SYN2: variants seen among roughly 807,000 people sequenced by gnomAD.
SYN2 encodes the protein synapsin-2.
In SYN2, 19 loss-of-function variants were observed where a neutral mutation model predicts 50.9. The observed-to-expected ratio is 0.37, with a 90% CI of 0.26 to 0.55. The LOEUF (loss-of-function observed/expected upper bound fraction) is 0.55, where lower values mean the gene tolerates loss of function less well. SYN2 is among the 20% of genes least tolerant of loss of function. SYN2 has a pLI of 0.81. For synonymous variants in SYN2, 255 were observed against 224.9 expected, an observed-to-expected ratio of 1.13 and a Z score of -1.20; for missense variants, 587 against 576.4, an observed-to-expected ratio of 1.02 and a Z score of -0.19.
intron 1 of SYN2, among the ~76,000 whole-genome samples, chr3:12,008,601 A>T (rs544733392): frequency 1.6e-4 from 24 of 152,330 alleles, no homozygotes; most frequent in African/African-American, 5.3e-4. Flanking sequence ...GCTGAAGGAT[A>T]TGCCATTAGT....
chr3:12,015,047 C>T (rs776198578), intron 1 of SYN2, among the ~76,000 whole-genome samples: 117 of 152,194 alleles, frequency 7.7e-4, no homozygotes, highest in Non-Finnish European at 1.3e-3. Flanking sequence ...TGATTTGCCA[C>T]ATACTTTGAT....
chr3:12,149,340 G>A (rs1181841631), intron 4 of SYN2, among the ~76,000 whole-genome samples: 1 of 152,260 alleles, frequency 6.6e-6, no homozygotes, highest in Admixed American at 6.5e-5. Flanking sequence ...CAGAGCAGAA[G>A]TCCAGCCAGG....
chr3:12,043,778 A>G (rs1285671285), intron 1 of SYN2, among the ~76,000 whole-genome samples: 1 of 152,174 alleles, frequency 6.6e-6, no homozygotes, highest in African/African-American at 2.4e-5. Flanking sequence ...AAGTCTCAGC[A>G]TCTGTCTTCC....
At chr3:12,095,322 A>G (rs1695906245) in intron 1 of SYN2, among the ~76,000 whole-genome samples, 1 of 149,942 alleles carries the variant, frequency 6.7e-6, no homozygotes, top group African/African-American at 2.5e-5. Context: ...AGGCAGGTGG[A>G]TCACAAGGTC....
At chr3:12,136,278 A>C (rs1371904224) in intron 1 of SYN2, among the ~76,000 whole-genome samples, 1 of 152,272 alleles carries the variant, frequency 6.6e-6, no homozygotes, top group East Asian at 1.9e-4. Flanking sequence ...ATTTCATTAA[A>C]TCTTCACAAC....
rs747339441 is a variant in SYN2 at position 12,142,013 on chromosome 3, C to T, written c.527+17C>T. ...GGTTGTCCGGTAAGGGTCTTTCTGT[C>T]CTCAGGATCATTGTGACTGTCTCCA... On this transcript the variant is annotated intron_variant, in intron 3 of 12. Transcript: ENST00000621198. 3.8e-6 allele frequency: 3 copies of T among 780,468 alleles called. No individual in the cohort carries two copies. Among genetic ancestry groups the T allele is most frequent in the South Asian group, 2.7e-5 (2 of 74,608 alleles). The allele number at this position is 780,468 out of a possible 1,614,324, so 48.3% of individuals were successfully genotyped here. A position where few individuals can be genotyped will look rare whatever the true frequency, so the allele number is the denominator to read the frequency against.
intron 1 of SYN2, among the ~76,000 whole-genome samples, chr3:12,015,774 C>T (rs1275172172): frequency 6.6e-6 from 1 of 152,200 alleles, no homozygotes; most frequent in Non-Finnish European, 1.5e-5. Flanking sequence ...TCAGCCTAGG[C>T]ATTAAACTGC....
chr3:12,029,474 G>T (rs1330364378), intron 1 of SYN2, among the ~76,000 whole-genome samples: 1 of 125,072 alleles, frequency 8.0e-6, no homozygotes, highest in Non-Finnish European at 1.5e-5. Context: ...GGGCAGTATG[G>T]CCATTTTCAC....
At chr3:12,047,267 G>T (rs142615956) in intron 1 of SYN2, among the ~76,000 whole-genome samples, 1 of 152,100 alleles carries the variant, frequency 6.6e-6, no homozygotes, top group Non-Finnish European at 1.5e-5. Context: ...TTAACAGAAG[G>T]GATGGAGGAG....
chr3:12,020,070 C>T (rs1433004864), intron 1 of SYN2, among the ~76,000 whole-genome samples: 7 of 152,136 alleles, frequency 4.6e-5, no homozygotes, highest in African/African-American at 1.4e-4. Flanking sequence ...CGTCTCCTTT[C>T]CCTATATGTT....
At chr3:12,014,309 G>A (rs1331480979) in intron 1 of SYN2, among the ~76,000 whole-genome samples, 1 of 152,208 alleles carries the variant, frequency 6.6e-6, no homozygotes, top group African/African-American at 2.4e-5. Context: ...GGGATAGAAG[G>A]TAACAATGAA....
At chr3:12,008,808 C>T (rs1278680259) in intron 1 of SYN2, among the ~76,000 whole-genome samples, 3 of 152,024 alleles carry the variant, frequency 2.0e-5, no homozygotes, top group East Asian at 1.9e-4. Context: ...TAACTGAGCT[C>T]GAAGAATTGG....
At chr3:12,116,483 A>G (rs1175943427) in intron 1 of SYN2, among the ~76,000 whole-genome samples, 2 of 152,214 alleles carry the variant, frequency 1.3e-5, no homozygotes, top group South Asian at 2.1e-4. Flanking sequence ...TTTTTGCTAG[A>G]GAGCTATATC....
chr3:12,018,621 G>T lies in SYN2; in HGVS notation c.377+13693G>T, dbSNP rs190293232. ...CTGATACAAAAGGCCAATGAACAGC[G>T]CCATGAAGAGTAGTGATGGGAGGAT... On this transcript the variant is annotated intron_variant, in intron 1 of 12. Transcript: ENST00000621198. Among the ~76,000 whole-genome samples the T allele has an allele frequency of 5.9e-5, 9 of 152,280 alleles. No homozygotes were observed. The East Asian group carries it at 1.7e-3, about 29-fold the overall frequency.
At chr3:12,023,538 A>C (rs1412145908) in intron 1 of SYN2, among the ~76,000 whole-genome samples, 1 of 152,236 alleles carries the variant, frequency 6.6e-6, no homozygotes, top group Non-Finnish European at 1.5e-5. Context: ...GTTCAGAGTC[A>C]GTATTTTACT....
intron 1 of SYN2, among the ~76,000 whole-genome samples, chr3:12,059,948 C>G (rs1695077922): frequency 6.6e-6 from 1 of 152,116 alleles, no homozygotes; most frequent in East Asian, 1.9e-4. Context: ...TAGCCTTGCT[C>G]AAGAAACAGC....
intron 1 of SYN2, among the ~76,000 whole-genome samples, chr3:12,054,914 A>G (rs868788445): frequency 3.3e-5 from 5 of 152,084 alleles, no homozygotes; most frequent in Admixed American, 6.5e-5. Flanking sequence ...TTTTTCTTCA[A>G]AATTTAGAAA....
intron 1 of SYN2, among the ~76,000 whole-genome samples, chr3:12,029,784 C>T (rs79611029): frequency 3.3e-5 from 2 of 60,516 alleles, no homozygotes; most frequent in Non-Finnish European, 5.7e-5. Flanking sequence ...TGGGCTGAGA[C>T]GATGGGGTTT....
At chr3:12,060,852 T>C (rs2125162171) in intron 1 of SYN2, among the ~76,000 whole-genome samples, 1 of 152,260 alleles carries the variant, frequency 6.6e-6, no homozygotes, top group African/African-American at 2.4e-5. Flanking sequence ...CAAGTCATGC[T>C]AAAGGGAATA....
Sources: gnomAD v4.1 joint callset for allele counts (sites outside exome capture counted in the v4.1 genomes callset) on GRCh38, gnomAD v4.1.1 for gene constraint, MANE v1.5 for transcripts, NCBI Gene and HGNC (gene_info 2026-07-23, HGNC 2026-07-21) for gene names.